Variants in SLC24A2 observed in about 807,000 individuals in gnomAD.
SLC24A2 encodes solute carrier family 24 member 2.
SLC24A2 carries 36 observed loss-of-function variants against 62.0 expected under a neutral mutation model. The ratio of observed to expected loss-of-function variants is 0.58; its 90% confidence interval spans 0.44 to 0.77. The LOEUF is 0.77. Among genes scored for constraint, SLC24A2 ranks in the 30% least tolerant of loss-of-function variants. SLC24A2 has a pLI of 0.00. For missense variants in SLC24A2, 846 were observed against 817.9 expected (o/e 1.03, Z -0.42); for synonymous variants, 358 against 294.0 (o/e 1.22, Z -2.23).
the SLC24A2 span, among the ~76,000 whole-genome samples, chr9:20,162,684 G>C: frequency 1.3e-4 from 20 of 151,884 alleles, no homozygotes; most frequent in African/African-American, 4.8e-4. Context: ...CCAAAAAAGA[G>C]AATTTTAGAC....
the SLC24A2 span, among the ~76,000 whole-genome samples, chr9:20,289,978 T>C: frequency 6.6e-6 from 1 of 152,114 alleles, no homozygotes; most frequent in Admixed American, 6.6e-5. Context: ...ACAGTGCTCA[T>C]AAATCAGGGC....
chr9:20,201,604 T>TATAGAAA, the SLC24A2 span, among the ~76,000 whole-genome samples: 3 of 152,210 alleles, frequency 2.0e-5, no homozygotes, highest in Non-Finnish European at 4.4e-5. Context: ...TGAAAGCATA[T>TATAGAAA]TGAATTTGTC....
chr9:19,895,650 G>C, the SLC24A2 span: 3 of 562,098 alleles, frequency 5.3e-6, no homozygotes, highest in South Asian at 3.5e-5. Context: ...CGGGCACCAA[G>C]TCTGCTCCCC....
At chr9:20,106,656 T>C in the SLC24A2 span, among the ~76,000 whole-genome samples, 12 of 152,168 alleles carry the variant, frequency 7.9e-5, no homozygotes, top group African/African-American at 2.9e-4. Flanking sequence ...CAACCCTTCA[T>C]GCTAAAAACT....
chr9:19,546,869 A>G (rs957954239), intron 8 of SLC24A2, among the ~76,000 whole-genome samples: 7 of 152,192 alleles, frequency 4.6e-5, no homozygotes, highest in Admixed American at 1.3e-4. Context: ...TGGGAAAAGC[A>G]CAGTGTCTGG....
Position 19,622,256 on chromosome 9 carries a change from C to T in SLC24A2, c.969+5G>A, listed in dbSNP as rs1167684437. 6.2e-7 allele frequency: 1 copy of T among 1,613,188 alleles called. No individual in the cohort carries two copies. Among genetic ancestry groups the T allele is most frequent in the African/African-American group, 1.3e-5 (1 of 75,016 alleles). On this transcript the variant is annotated splice_donor_5th_base_variant and intron_variant, in intron 3 of 10. Transcript: ENST00000341998. ...ACAGGTACAGACAAAGCCACTGCTTCCTACCGGTAGAGTTGGTTCATCCTT... is the reference window on the plus strand; with the variant it reads ...ACAGGTACAGACAAAGCCACTGCTTTCTACCGGTAGAGTTGGTTCATCCTT...
At chr9:20,013,709 T>C in the SLC24A2 span, among the ~76,000 whole-genome samples, 7 of 152,122 alleles carry the variant, frequency 4.6e-5, no homozygotes, top group South Asian at 2.1e-4. Context: ...ATCCAAAATA[T>C]ATAAGGAAAT....
At chr9:19,594,725 T>A (rs917192897) in intron 5 of SLC24A2, among the ~76,000 whole-genome samples, 1 of 152,226 alleles carries the variant, frequency 6.6e-6, no homozygotes. Context: ...AACATCTTTG[T>A]CTTTATTATA....
chr9:20,159,627 G>C, the SLC24A2 span, among the ~76,000 whole-genome samples: 2 of 151,304 alleles, frequency 1.3e-5, no homozygotes, highest in South Asian at 2.1e-4. Flanking sequence ...GAGAGAGAAA[G>C]GGAAAAGTCA....
the SLC24A2 span, among the ~76,000 whole-genome samples, chr9:20,198,455 C>G: frequency 6.6e-6 from 1 of 152,144 alleles, no homozygotes; most frequent in Non-Finnish European, 1.5e-5. Context: ...CTGTATTCGC[C>G]CTTTAATCTT....
chr9:20,042,684 G>T, the SLC24A2 span, among the ~76,000 whole-genome samples: 35 of 152,192 alleles, frequency 2.3e-4, 1 homozygote, highest in African/African-American at 8.2e-4. Context: ...GCACTTTGCA[G>T]GTAGTGTGTT....
At chr9:20,089,293 C>G in the SLC24A2 span, among the ~76,000 whole-genome samples, 1 of 152,160 alleles carries the variant, frequency 6.6e-6, no homozygotes, top group Non-Finnish European at 1.5e-5. Context: ...GTCCACACTT[C>G]TCACTGGGGA....
the SLC24A2 span, among the ~76,000 whole-genome samples, chr9:20,174,755 G>C: frequency 6.6e-6 from 1 of 151,928 alleles, no homozygotes; most frequent in Non-Finnish European, 1.5e-5. Flanking sequence ...GCTTGTGGGA[G>C]TGTAAACTAG....
the SLC24A2 span, among the ~76,000 whole-genome samples, chr9:19,856,963 A>G: frequency 1.3e-5 from 2 of 152,368 alleles, no homozygotes; most frequent in East Asian, 1.9e-4. Context: ...CCATGTGGGC[A>G]TATTTAAACA....
chr9:19,598,576 AG>A (rs947834901), intron 4 of SLC24A2, among the ~76,000 whole-genome samples: 8 of 152,140 alleles, frequency 5.3e-5, no homozygotes, highest in African/African-American at 1.9e-4. Flanking sequence ...CAAAAGATGC[AG>A]GTGCTTCAAA....
At position 19,786,695 on chromosome 9, in the gene SLC24A2, C is replaced by T. The variant is rs748472477; in HGVS notation, c.172G>A (p.Ala58Thr). 1.2e-6 allele frequency: 2 copies of T among 1,612,110 alleles called. No homozygotes were observed. Among genetic ancestry groups the T allele is most frequent in the Non-Finnish European group, 1.7e-6 (2 of 1,178,864 alleles). Residue 58 changes from alanine (A) to threonine (T), a missense_variant, in exon 2 of 11, where the codon GCC (alanine) becomes ACC (threonine). Transcript: ENST00000341998. The surrounding 1 kb of genome is among the most constrained non-coding windows in gnomAD (Gnocchi z 5.0). ...CTCTGTGTATCTGTCTCAGAAAAGG[C>T]ACTGATTGAAAATGAGACAGTGCTA... ...AISTVSFSISAFSETDTQSTG... is the reference protein window; with the variant it reads ...AISTVSFSISTFSETDTQSTG...
chr9:20,184,246 T>C, the SLC24A2 span, among the ~76,000 whole-genome samples: 4 of 152,100 alleles, frequency 2.6e-5, no homozygotes, highest in Non-Finnish European at 5.9e-5. Context: ...TGAATGCCTA[T>C]TGTCAAAAAA....
At chr9:20,237,194 AT>A in the SLC24A2 span, among the ~76,000 whole-genome samples, 6 of 152,166 alleles carry the variant, frequency 3.9e-5, no homozygotes, top group Non-Finnish European at 8.8e-5. Context: ...TCATTCATTC[AT>A]TTGTTCTGCT....
the SLC24A2 span, among the ~76,000 whole-genome samples, chr9:20,103,513 C>T: frequency 1.6e-4 from 24 of 152,282 alleles, no homozygotes; most frequent in East Asian, 1.7e-3. Flanking sequence ...TCCAGAGGAA[C>T]GAGCAGACAA....
Sources: gnomAD v4.1 joint callset for allele counts (sites outside exome capture counted in the v4.1 genomes callset) on GRCh38, gnomAD v4.1.1 for gene constraint, Gnocchi (gnomAD v3.1) non-coding constraint, MANE v1.5 for transcripts, NCBI Gene and HGNC (gene_info 2026-07-23, HGNC 2026-07-21) for gene names.